Variants in FGD4 observed in about 807,000 individuals in gnomAD.
FGD4 encodes the protein FYVE, RhoGEF and PH domain-containing protein 4.
Under a neutral mutation model 102.0 loss-of-function variants are expected in FGD4, and 42 were observed. The ratio of observed to expected loss-of-function variants is 0.41; its 90% CI spans 0.32 to 0.53. The LOEUF (loss-of-function observed/expected upper bound fraction) is 0.53, where lower values mean the gene tolerates loss of function less well. Among genes scored for constraint, FGD4 ranks in the 20% least tolerant of loss-of-function variants. The probability of loss-of-function intolerance (pLI) is 0.21; values close to 1 mark genes in which losing one functional copy is unlikely to be tolerated. For missense variants in FGD4, 902 were observed against 1,078.2 expected (o/e 0.84, Z 2.29); for synonymous variants, 380 against 375.7 (o/e 1.01, Z -0.13).
intron 1 of FGD4, among the ~76,000 whole-genome samples, chr12:32,437,452 C>T (rs1942272329): frequency 6.6e-6 from 1 of 152,166 alleles, no homozygotes; most frequent in Non-Finnish European, 1.5e-5. Context: ...GCGAGGTGTC[C>T]AACCGCACCC....
chr12:32,633,081 G>A (rs1035269599), intron 14 of FGD4, among the ~76,000 whole-genome samples: 12 of 150,264 alleles, frequency 8.0e-5, no homozygotes, highest in Non-Finnish European at 9.0e-5. Context: ...AAATCAGCGG[G>A]ACTTTGTAAA....
intron 1 of FGD4, among the ~76,000 whole-genome samples, chr12:32,476,992 G>GA (rs1230344151): frequency 6.6e-6 from 1 of 152,108 alleles, no homozygotes; most frequent in African/African-American, 2.4e-5. Context: ...TTTACTACTT[G>GA]AAAAATGAAG....
chr12:32,536,283 A>G (rs7966521), intron 1 of FGD4, among the ~76,000 whole-genome samples: 19,747 of 152,240 alleles, frequency 0.13, 1,914 homozygotes, highest in African/African-American at 0.27. Flanking sequence ...TAAACTGCAA[A>G]CTAGGATTAA....
At chr12:32,502,666 C>CA (rs1205047961) in intron 1 of FGD4, among the ~76,000 whole-genome samples, 1 of 152,122 alleles carries the variant, frequency 6.6e-6, no homozygotes, top group African/African-American at 2.4e-5. Flanking sequence ...CCCATGGCCC[C>CA]AAACGTGTTC....
At chr12:32,623,478 C>T (rs187297863) in intron 11 of FGD4, among the ~76,000 whole-genome samples, 1 of 152,088 alleles carries the variant, frequency 6.6e-6, no homozygotes, top group African/African-American at 2.4e-5. Flanking sequence ...GTTCAATAAT[C>T]AATTTGCTGG....
chr12:32,610,121 T>TA (rs1949049113), intron 8 of FGD4, among the ~76,000 whole-genome samples: 2 of 152,238 alleles, frequency 1.3e-5, no homozygotes, highest in South Asian at 4.1e-4. Context: ...GTAAAATACT[T>TA]ACTACTCATG....
At chr12:32,465,139 C>A (rs1943217364) in intron 1 of FGD4, among the ~76,000 whole-genome samples, 1 of 152,078 alleles carries the variant, frequency 6.6e-6, no homozygotes, top group African/African-American at 2.4e-5. Context: ...GGGGCAGTGA[C>A]CCCTGTTGAG....
intron 1 of FGD4, among the ~76,000 whole-genome samples, chr12:32,562,981 T>G (rs1161137962): frequency 7.2e-6 from 1 of 139,470 alleles, no homozygotes; most frequent in Admixed American, 7.0e-5. Flanking sequence ...CACATCCCAG[T>G]AGGGGCGGCC....
intron 2 of FGD4, among the ~76,000 whole-genome samples, chr12:32,570,940 A>T (rs1346894905): frequency 6.6e-6 from 1 of 152,174 alleles, no homozygotes; most frequent in African/African-American, 2.4e-5. Flanking sequence ...CTGCCACAAA[A>T]TTTCACATAG....
intron 1 of FGD4, among the ~76,000 whole-genome samples, chr12:32,485,228 T>G (rs10771958): frequency 0.31 from 47,055 of 152,050 alleles, 7,529 homozygotes; most frequent in East Asian, 0.45. Context: ...TGCCTTCCTC[T>G]TTTAAAAACC....
chr12:32,558,977 T>G (rs751675579), intron 1 of FGD4, among the ~76,000 whole-genome samples: 4 of 152,234 alleles, frequency 2.6e-5, no homozygotes, highest in African/African-American at 4.8e-5. Flanking sequence ...TTCCCCATGC[T>G]AACTAACATA....
In FGD4 at chr12:32,485,515, A is replaced by G. The variant is rs895467751; in HGVS notation, c.167-78622A>G. On this transcript the variant is annotated intron_variant, in intron 1 of 16. Coordinates refer to ENST00000534526, the MANE Select transcript of FGD4 (RefSeq NM_001370298.3). ...GAGTGCAGTGGCGGGATCTGGGCTC[A>G]CTGCAAGCTCCGCCTCCCAGGTTCA... Among the ~76,000 whole-genome samples the G allele has an allele frequency of 1.1e-4, 15 of 139,380 alleles. No homozygotes were observed. The Middle Eastern group carries it at 0.025, about 234-fold the overall frequency. The allele number at this position is 139,380 out of a possible 152,430, so 91.4% of individuals were successfully genotyped here.
intron 1 of FGD4, among the ~76,000 whole-genome samples, chr12:32,538,424 C>T (rs1942497513): frequency 6.6e-6 from 1 of 152,174 alleles, no homozygotes; most frequent in Non-Finnish European, 1.5e-5. Flanking sequence ...GTAGTGTTCT[C>T]CATTTCTTCC....
At chr12:32,604,657 T>C (rs991886649) in intron 7 of FGD4, among the ~76,000 whole-genome samples, 1 of 152,172 alleles carries the variant, frequency 6.6e-6, no homozygotes, top group Non-Finnish European at 1.5e-5. Context: ...TTGTTGGGTG[T>C]GTATGTTGCC....
At chr12:32,561,332 C>T (rs184247573) in intron 1 of FGD4, among the ~76,000 whole-genome samples, 106 of 152,126 alleles carry the variant, frequency 7.0e-4, no homozygotes, top group African/African-American at 2.4e-3. Context: ...GGTGATCCAC[C>T]CGCCTTGGCC....
At chr12:32,418,177 T>C (rs924523145) in intron 1 of FGD4, among the ~76,000 whole-genome samples, 1 of 151,906 alleles carries the variant, frequency 6.6e-6, no homozygotes, top group African/African-American at 2.4e-5. Flanking sequence ...AGGATGGTCT[T>C]GATCTCCTGA....
chr12:32,507,282 G>A (rs1459549671), intron 1 of FGD4, among the ~76,000 whole-genome samples: 2 of 152,048 alleles, frequency 1.3e-5, no homozygotes, highest in Non-Finnish European at 2.9e-5. Context: ...TGGCTGCATA[G>A]TATTCCATGG....
chr12:32,560,427 G>A (rs1944443931), intron 1 of FGD4, among the ~76,000 whole-genome samples: 1 of 151,846 alleles, frequency 6.6e-6, no homozygotes, highest in South Asian at 2.1e-4. Context: ...AATGTTTTTT[G>A]TATTTTTTTG....
At chr12:32,478,197 C>T (rs900557600) in intron 1 of FGD4, among the ~76,000 whole-genome samples, 7 of 152,108 alleles carry the variant, frequency 4.6e-5, no homozygotes, top group Non-Finnish European at 1.0e-4. Flanking sequence ...TCTGGTTATA[C>T]ATTTTCTTGA....
Sources: gnomAD v4.1 joint callset for allele counts (sites outside exome capture counted in the v4.1 genomes callset) on GRCh38, gnomAD v4.1.1 for gene constraint, MANE v1.5 for transcripts, NCBI Gene and HGNC (gene_info 2026-07-23, HGNC 2026-07-21) for gene names.